Variants in PCDHGA4 observed in about 807,000 individuals in gnomAD.
PCDHGA4 encodes the protein protocadherin gamma subfamily A, 4.
Under a neutral mutation model 54.6 loss-of-function variants are expected in PCDHGA4, and 38 were observed. The ratio of observed to expected loss-of-function variants is 0.70; its 90% CI spans 0.54 to 0.91. The LOEUF (loss-of-function observed/expected upper bound fraction) is 0.91, where lower values mean the gene tolerates loss of function less well. Ranked by LOEUF, PCDHGA4 falls within the 40% of genes least tolerant of loss-of-function variation. PCDHGA4 has a pLI of 0.00. For synonymous variants in PCDHGA4, 511 were observed against 512.9 expected, an observed-to-expected ratio of 1.00 and a Z score of 0.05; for missense variants, 1,298 against 1,220.9, an observed-to-expected ratio of 1.06 and a Z score of -0.94.
In PCDHGA4 at chr5:141,485,125, G is replaced by A. The variant is rs776015544; in HGVS notation, c.2515-9682G>A. 7.1e-7 allele frequency: 1 copy of A among 1,412,160 alleles called. No homozygotes were observed. The highest frequency in any genetic ancestry group is 1.2e-5 in the South Asian group (1 of 81,022). The allele number at this position is 1,412,160 out of a possible 1,614,324, so 87.5% of individuals were successfully genotyped here. On this transcript the variant is annotated intron_variant, in intron 1 of 3. Transcript: ENST00000571252. This position sits in a 1 kb window ranked among gnomAD's most constrained non-coding sequence, Gnocchi z 5.7. ...CTGCTGTGGCTGTTTGGGGCGGGTC[G>A]GCTTCATCCGCGTCTCAGGAGCAAG... is the stretch of plus-strand genomic sequence containing the variant.
At position 141,487,339 on chromosome 5, in the gene PCDHGA4, A is replaced by T; in HGVS notation, c.2515-7468A>T. On this transcript the variant is annotated intron_variant, in intron 1 of 3. Coordinates refer to ENST00000571252, the MANE Select transcript of PCDHGA4 (RefSeq NM_018917.4). The surrounding 1 kb of genome is among the most constrained non-coding windows in gnomAD (Gnocchi z 5.0). ...AGTGTCTTCGTGGGGCAGCCTGTGG[A>T]GTCACATGCTTTCCTGCTGGCACCT... The T allele has an allele frequency of 1.9e-6, 3 of 1,614,096 alleles. No individual in the cohort carries two copies. Among genetic ancestry groups the T allele is most frequent in the Non-Finnish European group, 2.5e-6 (3 of 1,180,000 alleles).
At chr5:141,422,348 A>G (rs1163115969) in intron 1 of PCDHGA4, 1 of 1,554,608 alleles carries the variant, frequency 6.4e-7, no homozygotes, top group Non-Finnish European at 8.7e-7. Context: ...AATGTGCAAG[A>G]TCAAGATTCT....
rs554845172 is a variant in PCDHGA4 at position 141,485,584 on chromosome 5, G to A, written c.2515-9223G>A. Reference sequence around the variant, plus strand: ...ACGCCCCCCGTTTTCCGCGGCAGCAGCTGGACTTGGAAATTGGGGAGGCAG... The same window carrying A: ...ACGCCCCCCGTTTTCCGCGGCAGCAACTGGACTTGGAAATTGGGGAGGCAG... On this transcript the variant is annotated intron_variant, in intron 1 of 3. Transcript: ENST00000571252. The surrounding 1 kb of genome is among the most constrained non-coding windows in gnomAD (Gnocchi z 5.7). The A allele has an allele frequency of 2.9e-5, 46 of 1,612,498 alleles. 1 individual carries two copies. The South Asian group carries it at 4.5e-4, about 16-fold the overall frequency.
At chr5:141,423,501 C>T (rs2096747990) in intron 1 of PCDHGA4, 1 of 1,613,990 alleles carries the variant, frequency 6.2e-7, no homozygotes, top group Non-Finnish European at 8.5e-7. Context: ...CCCACGAGGT[C>T]TCTCTCATTG....
chr5:141,364,733 G>A (rs536236780), intron 1 of PCDHGA4: 54 of 1,613,954 alleles, frequency 3.3e-5, no homozygotes, highest in East Asian at 2.2e-4. Context: ...GCGTTTCCGG[G>A]ATGAAGAGTT....
At chr5:141,422,498 C>G in intron 1 of PCDHGA4, 1 of 1,613,966 alleles carries the variant, frequency 6.2e-7, no homozygotes. Context: ...ATAACGTTGA[C>G]AGCCACAGAC....
At chr5:141,369,977 G>T (rs1398752319) in intron 1 of PCDHGA4, among the ~76,000 whole-genome samples, 1 of 152,202 alleles carries the variant, frequency 6.6e-6, no homozygotes, top group African/African-American at 2.4e-5. Flanking sequence ...AAAGGTACTT[G>T]ATTTGGATGG....
chr5:141,476,801 C>A lies in PCDHGA4; in HGVS notation c.2515-18006C>A, dbSNP rs752954707. The A allele has an allele frequency of 5.8e-5, 94 of 1,613,468 alleles. No homozygotes were observed. The highest frequency in any genetic ancestry group is 7.9e-5 in the Non-Finnish European group (93 of 1,180,028). The stretch of plus-strand genomic sequence containing the variant: ...GACCCCAGCTCTCTCCGCCAGCCTG[C>A]CTATTCACATCAAGGTGCTGGACGC... On this transcript the variant is annotated intron_variant, in intron 1 of 3. Transcript: ENST00000571252. This position sits in a 1 kb window ranked among gnomAD's most constrained non-coding sequence, Gnocchi z 7.6.
At position 141,356,126 on chromosome 5, in the gene PCDHGA4, A is replaced by G; in HGVS notation, c.1019A>G (p.Tyr340Cys). 6.2e-7 allele frequency: 1 copy of G among 1,613,926 alleles called. No individual in the cohort carries two copies. Among genetic ancestry groups the G allele is most frequent in the Non-Finnish European group, 8.5e-7 (1 of 1,179,870 alleles). The change falls in exon 1 of 4, where the codon TAT (tyrosine) becomes TGT (cysteine). Residue 340 changes from tyrosine (Y) to cysteine (C), a missense_variant. Physicochemically the swap from Tyr to Cys is radical, Grantham distance 194. Coordinates refer to ENST00000571252, the MANE Select transcript of PCDHGA4 (RefSeq NM_018917.4). ...GDITILGGLD[Y>C]EDSGFYDIDV... is the part of the protein sequence containing the mutation. ...ATAACAATATTGGGGGGTCTAGATT[A>G]TGAGGACTCTGGATTCTATGACATA...
Position 141,432,433 on chromosome 5 carries a change from T to C in PCDHGA4, c.2515-62374T>C, listed in dbSNP as rs760107558. 10 of 1,613,996 alleles carry C rather than the reference T, an allele frequency of 6.2e-6. No individual in the cohort carries two copies. The South Asian group carries it at 8.8e-5, about 14-fold the overall frequency. ...TGTTCGTGCTGGACCAGAACGACAA[T>C]GCGCCCGAGATCCTGTACCCCGCCC... On this transcript the variant is annotated intron_variant, in intron 1 of 3. Transcript: ENST00000571252. This position sits in a 1 kb window ranked among gnomAD's most constrained non-coding sequence, Gnocchi z 6.0.
At chr5:141,423,500 T>A (rs1191111288) in intron 1 of PCDHGA4, 1 of 1,613,732 alleles carries the variant, frequency 6.2e-7, no homozygotes, top group Non-Finnish European at 8.5e-7. Flanking sequence ...TCCCACGAGG[T>A]CTCTCTCATT....
At chr5:141,389,893 T>TGCCGGATATCACTGACC in intron 1 of PCDHGA4, 1 of 1,614,094 alleles carries the variant, frequency 6.2e-7, no homozygotes, top group Non-Finnish European at 8.5e-7. Context: ...CAGGAGGTGC[T>TGCCGGATATCACTGACC]GCCGGATATC....
chr5:141,405,398 C>A, intron 1 of PCDHGA4: 1 of 1,590,262 alleles, frequency 6.3e-7, no homozygotes, highest in Non-Finnish European at 8.6e-7. Flanking sequence ...TTTTTTCTTT[C>A]TTTCTTTTCT....
intron 1 of PCDHGA4, chr5:141,370,517 G>T (rs1766988791): frequency 6.2e-7 from 1 of 1,613,762 alleles, no homozygotes; most frequent in African/African-American, 1.3e-5. Context: ...CCGAGGAGCT[G>T]GACAGGGGCT....
In PCDHGA4 at chr5:141,423,089, G is replaced by C. The variant is rs201821221; in HGVS notation, c.2514+65468G>C. The stretch of plus-strand genomic sequence containing the variant: ...AGCGAGCCGGGACTCTTCGCGGTGG[G>C]GGAGCACACGGGCGAGGTGCGTACA... On this transcript the variant is annotated intron_variant, in intron 1 of 3. Transcript: ENST00000571252. 4.0e-5 allele frequency: 65 copies of C among 1,614,016 alleles called. No individual in the cohort carries two copies. In the African/African-American group the frequency reaches 7.2e-4, roughly 18 times the overall value.
At chr5:141,385,514 G>C (rs928847931) in intron 1 of PCDHGA4, 3 of 1,363,488 alleles carry the variant, frequency 2.2e-6, no homozygotes, top group Non-Finnish European at 2.8e-6. Context: ...TTTAGTGAAA[G>C]CCTATGGACA....
chr5:141,426,275 G>A (rs531044481), intron 1 of PCDHGA4: 2 of 164,168 alleles, frequency 1.2e-5, no homozygotes, highest in East Asian at 1.6e-4. Context: ...CTGCAGCAAC[G>A]CATGGGAAGG....
In PCDHGA4 at chr5:141,381,826, C is replaced by CTTTTTTTT. The variant is rs770630741; in HGVS notation, c.2514+24220_2514+24227dup. Among the ~76,000 whole-genome samples, 48 of 74,286 alleles carry CTTTTTTTT rather than the reference C, an allele frequency of 6.5e-4. 1 individual carries two copies. Among genetic ancestry groups the CTTTTTTTT allele is most frequent in the African/African-American group, 1.0e-3 (17 of 16,198 alleles). 48.7% of individuals were successfully genotyped at this position (74,286 alleles called of 152,430 possible). On this transcript the variant is annotated intron_variant, in intron 1 of 3. Coordinates refer to ENST00000571252, the MANE Select transcript of PCDHGA4 (RefSeq NM_018917.4). Reference sequence around the variant, plus strand: ...TTTCTTTCTTTCTTTCTTTCTTCTTCTTTTTTTTTTTTTTTTTTTTTTGGC... The same window carrying CTTTTTTTT: ...TTTCTTTCTTTCTTTCTTTCTTCTTCTTTTTTTTTTTTTTTTTTTTTTTTTTTTTTGGC...
Position 141,374,740 on chromosome 5 carries a change from C to T in PCDHGA4, c.2514+17119C>T, listed in dbSNP as rs1337639511. On this transcript the variant is annotated intron_variant, in intron 1 of 3. Transcript: ENST00000571252. ...TCCTTACTGCCATGGATGGCGGCGA[C>T]CCTGTCCGCTCAAGCGTCGCCCAAA... 7 of 1,611,592 alleles carry T rather than the reference C, an allele frequency of 4.3e-6. No homozygotes were observed. In the South Asian group the frequency reaches 6.6e-5, roughly 15 times the overall value.
Sources: gnomAD v4.1 joint callset for allele counts (sites outside exome capture counted in the v4.1 genomes callset) on GRCh38, gnomAD v4.1.1 for gene constraint, Gnocchi (gnomAD v3.1) non-coding constraint, MANE v1.5 for transcripts, NCBI Gene and HGNC (gene_info 2026-07-23, HGNC 2026-07-21) for gene names.